NAV3: variants seen among roughly 807,000 people sequenced by gnomAD.
The protein encoded by NAV3 is neuron navigator 3.
Under a neutral mutation model 244.7 loss-of-function variants are expected in NAV3, and 87 were observed. That is an observed-to-expected ratio of 0.36 (90% CI 0.30 to 0.42). The LOEUF is 0.42. NAV3 is among the 20% of genes least tolerant of loss of function. The pLI, the probability that NAV3 is intolerant of heterozygous loss-of-function variation, is 1.00. For synonymous variants in NAV3, 1,126 were observed against 1,042.2 expected (o/e 1.08, Z -1.55); for missense variants, 2,663 against 2,893.3 (o/e 0.92, Z 1.83).
intron 2 of NAV3, among the ~76,000 whole-genome samples, chr12:77,630,504 G>GATA (rs1871843929): frequency 6.6e-6 from 1 of 152,072 alleles, no homozygotes; most frequent in African/African-American, 2.4e-5. Context: ...TTTGTCACCT[G>GATA]ATATGGTCAG....
Position 78,190,166 on chromosome 12 carries a change from A to C in NAV3, c.6238A>C (p.Lys2080Gln). The C allele has an allele frequency of 6.2e-7, 1 of 1,612,882 alleles. No individual in the cohort carries two copies. The highest frequency in any genetic ancestry group is 8.5e-7 in the Non-Finnish European group (1 of 1,179,428). The change falls in exon 34 of 40, where the codon AAA (lysine) becomes CAA (glutamine). Residue 2080 changes from lysine to glutamine, a missense_variant. Physicochemically the swap from Lys to Gln is moderately conservative, Grantham distance 53. Coordinates refer to ENST00000397909, the MANE Select transcript of NAV3 (RefSeq NM_001024383.2). Reference sequence around the variant, plus strand: ...ATATGTAATAACCAAATCTGGAAGGAAAAAAACAGAGGATGCAATTGCCAC... The same window carrying C: ...ATATGTAATAACCAAATCTGGAAGGCAAAAAACAGAGGATGCAATTGCCAC... The part of the protein sequence containing the change: ...AEYVITKSGR[K>Q]KTEDAIATFN...
At chr12:77,976,666 C>CTTTTTTTTTTTTTTTTTTTTTTTTTTTT (rs1295751885) in intron 5 of NAV3, among the ~76,000 whole-genome samples, 1 of 58,062 alleles carries the variant, frequency 1.7e-5, no homozygotes, top group African/African-American at 6.5e-5. Flanking sequence ...TTCTTTCTTT[C>CTTTTTTTTTTTTTTTTTTTTTTTTTTTT]TTTTTTTCTT....
intron 2 of NAV3, among the ~76,000 whole-genome samples, chr12:77,677,438 G>T (rs1302946904): frequency 6.6e-6 from 1 of 152,172 alleles, no homozygotes; most frequent in East Asian, 1.9e-4. Context: ...GGTTGTTGTT[G>T]CCATCTTAAA....
chr12:77,877,416 T>C (rs1334389579), intron 1 of NAV3, among the ~76,000 whole-genome samples: 1 of 152,190 alleles, frequency 6.6e-6, no homozygotes, highest in Non-Finnish European at 1.5e-5. Context: ...TAGTATGCTT[T>C]TCTGTCAGTA....
chr12:77,781,118 A>C (rs1289088346), intron 2 of NAV3, among the ~76,000 whole-genome samples: 1 of 152,172 alleles, frequency 6.6e-6, no homozygotes, highest in Non-Finnish European at 1.5e-5. Context: ...ACAAGGCTGC[A>C]ATGAAGGTGT....
At chr12:78,197,498 TTTAA>T (rs1959193965) in intron 35 of NAV3, 97 bp downstream of exon 35, 2 of 850,280 alleles carry the variant, frequency 2.4e-6, no homozygotes, top group Non-Finnish European at 3.4e-6. Flanking sequence ...TTGTTTAATA[TTTAA>T]TTTTTATTTT....
chr12:78,051,042 A>T lies in NAV3; in HGVS notation c.2411A>T (p.Lys804Ile), dbSNP rs569195975. The T allele has an allele frequency of 1.2e-5, 20 of 1,614,126 alleles. No individual in the cohort carries two copies. In the South Asian group the frequency reaches 2.0e-4, roughly 16 times the overall value. The change falls in exon 11 of 40, where the codon AAA (lysine) becomes ATA (isoleucine). Residue 804 changes from lysine (K) to isoleucine (I), a missense_variant. By Grantham distance (102) the Lys-to-Ile change is moderately radical. Transcript: ENST00000397909. ...GNMSQIDMSE[K>I]ASSDLDMSSE... ...ATGTCACAGATTGACATGAGTGAGA[A>T]AGCAAGCAGTGACCTGGACATGTCT...
At chr12:78,123,388 A>T (rs940021917) in intron 16 of NAV3, among the ~76,000 whole-genome samples, 1 of 150,386 alleles carries the variant, frequency 6.6e-6, no homozygotes, top group Non-Finnish European at 1.5e-5. Flanking sequence ...TGATGATGGC[A>T]TTTATTTTCT....
intron 12 of NAV3, among the ~76,000 whole-genome samples, chr12:78,095,294 T>A (rs1355107098): frequency 6.6e-6 from 1 of 152,006 alleles, no homozygotes; most frequent in African/African-American, 2.4e-5. Flanking sequence ...TGAAATTGAC[T>A]TCTATAAATG....
intron 33 of NAV3, among the ~76,000 whole-genome samples, 166 bp downstream of exon 33, chr12:78,188,943 A>G (rs1195694839): frequency 6.6e-6 from 1 of 151,920 alleles, no homozygotes; most frequent in Non-Finnish European, 1.5e-5. Flanking sequence ...ATTAAATACT[A>G]CAATCCTACT....
upstream of NAV3, among the ~76,000 whole-genome samples, chr12:77,827,506 G>A (rs1388073405): frequency 6.6e-6 from 1 of 152,012 alleles, no homozygotes; most frequent in Non-Finnish European, 1.5e-5. Context: ...AGCTTTAGAA[G>A]GTATTTCAAA....
At chr12:77,863,853 C>G (rs1879618987) in intron 1 of NAV3, among the ~76,000 whole-genome samples, 1 of 151,820 alleles carries the variant, frequency 6.6e-6, no homozygotes, top group South Asian at 2.1e-4. Context: ...AGACAGTTTA[C>G]TCAAATTATT....
At chr12:77,886,941 T>C (rs1336623708) in intron 1 of NAV3, among the ~76,000 whole-genome samples, 3 of 152,150 alleles carry the variant, frequency 2.0e-5, no homozygotes, top group African/African-American at 7.2e-5. Context: ...TATATGGGAA[T>C]GGAACATTCT....
At chr12:77,872,404 A>T (rs999632297) in intron 1 of NAV3, among the ~76,000 whole-genome samples, 1 of 152,220 alleles carries the variant, frequency 6.6e-6, no homozygotes, top group Admixed American at 6.5e-5. Context: ...TGAAAAACAA[A>T]AGCATTCAGA....
At chr12:78,001,880 C>T (rs1873369419) in intron 7 of NAV3, among the ~76,000 whole-genome samples, 1 of 152,188 alleles carries the variant, frequency 6.6e-6, no homozygotes, top group Non-Finnish European at 1.5e-5. Context: ...GAGAGTGCTT[C>T]AGTTTCTTCT....
At position 78,058,956 on chromosome 12, in the gene NAV3, G is replaced by A. The variant is rs201270058; in HGVS notation, c.2517-40G>A. 1,358 of 1,547,878 alleles carry A rather than the reference G, an allele frequency of 8.8e-4. 11 individuals carry two copies. Among genetic ancestry groups the A allele is most frequent in the Middle Eastern group, 6.1e-3 (36 of 5,874 alleles). On this transcript the variant is annotated intron_variant, in intron 11 of 39. Coordinates refer to ENST00000397909, the MANE Select transcript of NAV3 (RefSeq NM_001024383.2). ...TTAAGTTAAATTGTACAGTTGAGTT[G>A]ATTTAGTTTTCTGTGAATTAATTAG...
chr12:77,705,771 G>T (rs1875770386), intron 2 of NAV3, among the ~76,000 whole-genome samples: 1 of 151,162 alleles, frequency 6.6e-6, no homozygotes, highest in African/African-American at 2.5e-5. Context: ...CCATCAAGGG[G>T]GTTTTGTCCT....
At chr12:77,913,023 T>C (rs936580242) in intron 1 of NAV3, among the ~76,000 whole-genome samples, 8 of 152,108 alleles carry the variant, frequency 5.3e-5, no homozygotes, top group African/African-American at 1.7e-4. Flanking sequence ...AATTTTCAGT[T>C]TATATTTGAG....
intron 2 of NAV3, among the ~76,000 whole-genome samples, chr12:77,778,613 G>GAAAA (rs746919824): frequency 1.7e-5 from 1 of 58,154 alleles, no homozygotes. Flanking sequence ...CTCCGTCTCA[G>GAAAA]AAAAAAAAAA....
Sources: allele counts gnomAD v4.1 joint callset (sites outside exome capture counted in the v4.1 genomes callset), GRCh38; gene constraint gnomAD v4.1.1; transcripts MANE v1.5; gene names NCBI Gene and HGNC (gene_info 2026-07-23, HGNC 2026-07-21).